The following SLC25A6 variants were observed in gnomAD, a reference collection of about 807,000 sequenced individuals.
The protein encoded by SLC25A6 is ADP/ATP translocase 3.
SLC25A6 carries 9 observed loss-of-function variants against 25.7 expected under a neutral mutation model. The ratio of observed to expected loss-of-function variants is 0.35; its 90% CI spans 0.21 to 0.61. The LOEUF is 0.61. Among genes scored for constraint, SLC25A6 ranks in the 20% least tolerant of loss-of-function variants. SLC25A6 has a pLI of 0.76. For synonymous variants in SLC25A6, 223 were observed against 197.0 expected (o/e 1.13, Z -1.11); for missense variants, 404 against 440.5 (o/e 0.92, Z 0.74).
Position 1,386,549 on chromosome X carries a change from T to G in SLC25A6, c.*53A>C, listed in dbSNP as rs1436670392. On this transcript the variant is annotated 3_prime_UTR_variant, in exon 4 of 4. Transcript: ENST00000381401. ...GGTCCGCACGGTTGAGGATTCTACG[T>G]GGTTCTCTTGGTTCCCCTGGTGTGT... is the stretch of plus-strand genomic sequence containing the variant. 6.9e-7 allele frequency: 1 copy of G among 1,455,612 alleles called. No homozygotes were observed. The highest frequency in any genetic ancestry group is 9.1e-7 in the Non-Finnish European group (1 of 1,102,372). The allele number at this position is 1,455,612 out of a possible 1,614,324, so 90.2% of individuals were successfully genotyped here.
At chrX:1,391,078 T>A (rs2089401927) in intron 1 of SLC25A6, among the ~76,000 whole-genome samples, 2 of 152,326 alleles carry the variant, frequency 1.3e-5, no homozygotes, top group East Asian at 1.9e-4. Flanking sequence ...ACTCCTGAGC[T>A]CACGCGATCC....
intron 1 of SLC25A6, among the ~76,000 whole-genome samples, chrX:1,390,668 G>A (rs1321134624): frequency 3.3e-5 from 5 of 150,818 alleles, no homozygotes; most frequent in Non-Finnish European, 7.4e-5. Flanking sequence ...CTCTCCAAGT[G>A]CTGGGACACC....
chrX:1,390,055 G>T (rs1273221193), intron 1 of SLC25A6: 1 of 423,186 alleles, frequency 2.4e-6, no homozygotes. Flanking sequence ...GCTGTTACCC[G>T]GGTTTGAGTG....
At chrX:1,387,452 G>C in intron 2 of SLC25A6, 33 bp from the exon 3 acceptor site, 1 of 1,607,402 alleles carries the variant, frequency 6.2e-7, no homozygotes, top group Admixed American at 1.7e-5. Flanking sequence ...CGTCTCCAGC[G>C]CCTGCACGGC....
intron 2 of SLC25A6, among the ~76,000 whole-genome samples, chrX:1,388,536 G>C (rs2089357903): frequency 6.6e-6 from 1 of 151,192 alleles, no homozygotes; most frequent in Non-Finnish European, 1.5e-5. Flanking sequence ...CCCAGTCTAT[G>C]GTGTTCTGGG....
chrX:1,390,942 C>T (rs763801493), intron 1 of SLC25A6, among the ~76,000 whole-genome samples: 12 of 149,780 alleles, frequency 8.0e-5, no homozygotes, highest in African/African-American at 2.5e-4. Flanking sequence ...TAAAAATTTT[C>T]TTAGAGATGG....
In SLC25A6 at chrX:1,386,398, G is replaced by T; in HGVS notation, c.*204C>A. The T allele has an allele frequency of 1.6e-6, 1 of 618,716 alleles. No individual in the cohort carries two copies. Among genetic ancestry groups the T allele is most frequent in the Non-Finnish European group, 2.5e-6 (1 of 399,182 alleles). 38.3% of individuals were successfully genotyped at this position (618,716 alleles called of 1,614,324 possible). A position where few individuals can be genotyped will look rare whatever the true frequency, so the allele number is the denominator to read the frequency against. On this transcript the variant is annotated 3_prime_UTR_variant, in exon 4 of 4. Transcript: ENST00000381401. ...ACGCCACGGTTCCCTCCCACCCCGT[G>T]ATCAAGACACGGAATCGGCTGCCGA...
chrX:1,392,097 C>T lies in SLC25A6; in HGVS notation c.-88G>A, dbSNP rs1168904765. ...GGGCGTCGCTGGCTCAGCCCTGCCG[C>T]CGCCTGGACCGAAAGGACGGAGCAG... On this transcript the variant is annotated 5_prime_UTR_variant, in exon 1 of 4. Transcript: ENST00000381401. 7 of 956,172 alleles carry T rather than the reference C, an allele frequency of 7.3e-6. No individual in the cohort carries two copies. Among genetic ancestry groups the T allele is most frequent in the African/African-American group, 1.7e-5 (1 of 59,848 alleles). The allele number at this position is 956,172 out of a possible 1,614,324, so 59.2% of individuals were successfully genotyped here.
At position 1,389,736 on chromosome X, in the gene SLC25A6, C is replaced by G. The variant is rs371065590; in HGVS notation, c.112-9G>C. 4 of 1,610,412 alleles carry G rather than the reference C, an allele frequency of 2.5e-6. No homozygotes were observed. In the African/African-American group the frequency reaches 5.3e-5, roughly 22 times the overall value. On this transcript the variant is annotated splice_polypyrimidine_tract_variant and intron_variant, in intron 1 of 3. Transcript: ENST00000381401. ...TTGCTGGCGTGCTGGACCTGGGGGACGCAGAGGGTGTTCAGACCAGACCCA... is the reference window on the plus strand; with the variant it reads ...TTGCTGGCGTGCTGGACCTGGGGGAGGCAGAGGGTGTTCAGACCAGACCCA...
intron 1 of SLC25A6, among the ~76,000 whole-genome samples, 166 bp downstream of exon 1, chrX:1,391,733 C>T (rs1448631945): frequency 1.3e-5 from 2 of 152,360 alleles, no homozygotes; most frequent in Admixed American, 6.5e-5. Context: ...CCTGCAGCAG[C>T]GGTCACGTGA....
rs1233482332 is a variant in SLC25A6 at position 1,386,769 on chromosome X, C to T, written c.740-10G>A. The T allele has an allele frequency of 6.2e-7, 1 of 1,600,188 alleles. No homozygotes were observed. Reference sequence around the variant, plus strand: ...GTGTACATGATGTCAGCTGCAACGACAGGGAGACAGTGAGGGCCTCGCCGC... The same window carrying T: ...GTGTACATGATGTCAGCTGCAACGATAGGGAGACAGTGAGGGCCTCGCCGC... On this transcript the variant is annotated splice_polypyrimidine_tract_variant and intron_variant, in intron 3 of 3. Coordinates refer to ENST00000381401, the MANE Select transcript of SLC25A6 (RefSeq NM_001636.4).
chrX:1,387,460 G>A (rs762541102), intron 2 of SLC25A6, 41 bp from the exon 3 acceptor site: 156 of 1,605,424 alleles, frequency 9.7e-5, no homozygotes, highest in Non-Finnish European at 1.2e-4. Flanking sequence ...GCGCCTGCAC[G>A]GCCACCCGAG....
chrX:1,388,669 G>C (rs1219746749), intron 2 of SLC25A6, among the ~76,000 whole-genome samples: 1 of 152,092 alleles, frequency 6.6e-6, no homozygotes, highest in Non-Finnish European at 1.5e-5. Flanking sequence ...GGAGGAACCA[G>C]CCCTGCCCAT....
intron 1 of SLC25A6, 69 bp from the exon 2 acceptor site, chrX:1,389,796 T>A (rs2089377988): frequency 6.4e-7 from 1 of 1,569,186 alleles, no homozygotes; most frequent in Non-Finnish European, 8.6e-7. Context: ...AGCTACAGGG[T>A]GCATCCTTTT....
chrX:1,391,670 C>A lies in SLC25A6; in HGVS notation c.111+229G>T, dbSNP rs371421929. On this transcript the variant is annotated intron_variant, in intron 1 of 3. Coordinates refer to ENST00000381401, the MANE Select transcript of SLC25A6 (RefSeq NM_001636.4). ...CGCGCATGCGCCCTCCAATCCGTGC[C>A]GCATTTCCCCCCGCCCGCCGGGCCC... is the stretch of plus-strand genomic sequence containing the variant. Among the ~76,000 whole-genome samples, 821 of 152,348 alleles carry A rather than the reference C, an allele frequency of 5.4e-3. 9 individuals carry two copies. The highest frequency in any genetic ancestry group is 0.019 in the African/African-American group (791 of 41,584).
rs747538945 is a variant in SLC25A6, at chrX:1,391,937, C to A, written c.73G>T (p.Ala25Ser). The A allele has an allele frequency of 1.2e-6, 2 of 1,609,368 alleles. No homozygotes were observed. Among genetic ancestry groups the A allele is most frequent in the East Asian group, 4.5e-5 (2 of 44,816 alleles). ...TTGACCCGCTCGATCGGAGCCACGG[C>A]CGTCTTGGAGATGGCGGCGGCGATG... The part of the protein sequence containing the change: ...GGIAAAISKT[A>S]VAPIERVKLL... Residue 25 changes from alanine (A) to serine (S), a missense_variant, in exon 1 of 4, where the codon GCC (alanine) becomes TCC (serine). Ala to Ser is a moderately conservative substitution (Grantham distance 99). Coordinates refer to ENST00000381401, the MANE Select transcript of SLC25A6 (RefSeq NM_001636.4).
At chrX:1,391,444 C>T (rs2089409338) in intron 1 of SLC25A6, among the ~76,000 whole-genome samples, 1 of 152,210 alleles carries the variant, frequency 6.6e-6, no homozygotes, top group African/African-American at 2.4e-5. Flanking sequence ...CCACCAATAA[C>T]CATATCCTGG....
At chrX:1,388,801 AAG>A (rs2089361727) in intron 2 of SLC25A6, among the ~76,000 whole-genome samples, 1 of 151,526 alleles carries the variant, frequency 6.6e-6, no homozygotes. Flanking sequence ...ATCTCATAAC[AAG>A]AGGAGATGAG....
rs1349395155 is a variant in SLC25A6, at chrX:1,386,695, C to T, written c.804G>A (p.Lys268=). Residue 268 remains lysine, a synonymous_variant, in exon 4 of 4, where the codon AAG becomes AAA. Coordinates refer to ENST00000381401, the MANE Select transcript of SLC25A6 (RefSeq NM_001636.4). ...WRKIFRDEGG[K]AFFKGAWSNV... is the part of the protein sequence containing the mutation. ...TGGACCACGCACCCTTGAAGAAGGC[C>T]TTGCCCCCCTCATCTCTGAAGATCT... 44 of 1,612,904 alleles carry T rather than the reference C, an allele frequency of 2.7e-5. No individual in the cohort carries two copies. The highest frequency in any genetic ancestry group is 3.6e-5 in the Non-Finnish European group (43 of 1,179,334).
Sources: allele counts gnomAD v4.1 joint callset (sites outside exome capture counted in the v4.1 genomes callset), GRCh38; gene constraint gnomAD v4.1.1; transcripts MANE v1.5; gene names NCBI Gene and HGNC (gene_info 2026-07-23, HGNC 2026-07-21).